Variants in MAD1L1 observed in about 807,000 individuals in gnomAD.
MAD1L1 encodes mitotic arrest deficient 1 like 1, also known as mitotic spindle assembly checkpoint protein MAD1.
Under a neutral mutation model 96.9 loss-of-function variants are expected in MAD1L1, and 95 were observed. The ratio of observed to expected loss-of-function variants is 0.98; its 90% CI spans 0.83 to 1.16. The LOEUF is 1.16. Ranked by LOEUF, MAD1L1 falls within the 50% of genes most tolerant of loss-of-function variation. The pLI is 0.00. For synonymous variants in MAD1L1, 473 were observed against 396.6 expected (o/e 1.19, Z -2.29); for missense variants, 1,007 against 954.4 (o/e 1.06, Z -0.73).
intron 12 of MAD1L1, among the ~76,000 whole-genome samples, chr7:2,015,223 G>A (rs1226812477): frequency 2.6e-5 from 4 of 152,174 alleles, no homozygotes; most frequent in South Asian, 2.1e-4. Context: ...CCCATCGCTC[G>A]TCCAACCGCC....
In MAD1L1 at chr7:2,213,202, C is replaced by A. The variant is rs1374416806; in HGVS notation, c.986+10G>T. The A allele has an allele frequency of 6.2e-7, 1 of 1,614,008 alleles. No individual in the cohort carries two copies. The highest frequency in any genetic ancestry group is 1.3e-5 in the African/African-American group (1 of 74,934). On this transcript the variant is annotated intron_variant, in intron 10 of 18. Transcript: ENST00000265854. Reference sequence around the variant, plus strand: ...AAGGCGGGACCCCGGAGACACCTGCCCTTCCCTACCTGATGCTCAGGCCCA... The same window carrying A: ...AAGGCGGGACCCCGGAGACACCTGCACTTCCCTACCTGATGCTCAGGCCCA...
chr7:1,929,660 G>A (rs1789315648), intron 17 of MAD1L1, among the ~76,000 whole-genome samples: 2 of 151,288 alleles, frequency 1.3e-5, no homozygotes, highest in African/African-American at 2.4e-5. Context: ...CCTTGGGGAA[G>A]CCGTGGCAAA....
At chr7:2,012,600 AG>A (rs558277393) in intron 13 of MAD1L1, among the ~76,000 whole-genome samples, 17 of 152,158 alleles carry the variant, frequency 1.1e-4, no homozygotes, top group Non-Finnish European at 2.1e-4. Context: ...GGGAGGAAGG[AG>A]GATGGACAGA....
intron 17 of MAD1L1, among the ~76,000 whole-genome samples, chr7:1,932,023 G>A (rs1394790548): frequency 1.3e-5 from 2 of 152,242 alleles, no homozygotes; most frequent in African/African-American, 2.4e-5. Context: ...GGGGACCAAC[G>A]TCCATGGCAG....
intron 10 of MAD1L1, among the ~76,000 whole-genome samples, chr7:2,190,053 CTG>C (rs1283301386): frequency 6.6e-6 from 1 of 152,126 alleles, no homozygotes; most frequent in East Asian, 1.9e-4. Context: ...AGAAAACAAA[CTG>C]AAAGCTAAAT....
chr7:2,017,288 C>G (rs931356131), intron 12 of MAD1L1, among the ~76,000 whole-genome samples: 1 of 152,220 alleles, frequency 6.6e-6, no homozygotes, highest in African/African-American at 2.4e-5. Context: ...CTGACGGGGG[C>G]GTCCCAGACT....
At chr7:2,147,047 C>T (rs1789345376) in intron 11 of MAD1L1, among the ~76,000 whole-genome samples, 1 of 152,198 alleles carries the variant, frequency 6.6e-6, no homozygotes, top group Non-Finnish European at 1.5e-5. Flanking sequence ...CACCAGGCCC[C>T]AGAAAGCCTT....
rs774766985 is a variant in MAD1L1 at position 2,225,494 on chromosome 7, C to G, written c.207G>C (p.Arg69=). 3 of 1,614,062 alleles carry G rather than the reference C, an allele frequency of 1.9e-6. No individual in the cohort carries two copies. The East Asian group carries it at 6.7e-5, about 36-fold the overall frequency. Residue 69 remains arginine (R), a synonymous_variant, in exon 4 of 19, where the codon CGG becomes CGC. Coordinates refer to ENST00000265854, the MANE Select transcript of MAD1L1 (RefSeq NM_001013836.2). ...RSKSHLIQVE[R]EKMQMELSHK... The stretch of plus-strand genomic sequence containing the variant: ...GACTCAGCTCCATCTGCATTTTCTC[C>G]CGCTCCACCTGGATGAGGTGGGACT...
At chr7:2,001,413 A>G (rs1781785661) in intron 14 of MAD1L1, among the ~76,000 whole-genome samples, 1 of 152,264 alleles carries the variant, frequency 6.6e-6, no homozygotes, top group Non-Finnish European at 1.5e-5. Flanking sequence ...TTGTTCCCTA[A>G]AACAGTGGGA....
chr7:1,933,785 G>A (rs890495842), intron 17 of MAD1L1, among the ~76,000 whole-genome samples: 1 of 152,196 alleles, frequency 6.6e-6, no homozygotes, highest in South Asian at 2.1e-4. Context: ...ATGGACAGAT[G>A]GTTCCGGGGA....
chr7:1,939,194 T>TCACACACA (rs67150262), intron 16 of MAD1L1, among the ~76,000 whole-genome samples: 10 of 125,520 alleles, frequency 8.0e-5, no homozygotes, highest in South Asian at 2.7e-4. Context: ...CCAGAGGCGC[T>TCACACACA]CACACACACA....
chr7:2,139,025 G>C (rs769496809), intron 11 of MAD1L1, among the ~76,000 whole-genome samples: 12 of 152,172 alleles, frequency 7.9e-5, no homozygotes, highest in Non-Finnish European at 1.5e-4. Context: ...CAAGGTCCCA[G>C]CAGGACAAGC....
chr7:2,144,522 G>A (rs890529979), intron 11 of MAD1L1, among the ~76,000 whole-genome samples: 1 of 152,106 alleles, frequency 6.6e-6, no homozygotes, highest in Non-Finnish European at 1.5e-5. Context: ...CTCAGAGCAC[G>A]CTGGCCTATT....
At chr7:2,041,062 C>T (rs111436192) in intron 12 of MAD1L1, among the ~76,000 whole-genome samples, 9 of 152,130 alleles carry the variant, frequency 5.9e-5, no homozygotes, top group African/African-American at 9.7e-5. Context: ...ACTGAGACAC[C>T]GCCCACCACA....
Position 2,074,540 on chromosome 7 carries a change from C to T in MAD1L1, c.1074-5202G>A, listed in dbSNP as rs541902504. On this transcript the variant is annotated intron_variant, in intron 11 of 18. Coordinates refer to ENST00000265854, the MANE Select transcript of MAD1L1 (RefSeq NM_001013836.2). ...AGGGCAGCAGCCCATGGAGCTGGCA[C>T]CTCTAGGCGCTACGGAATCTGCAGG... is the stretch of plus-strand genomic sequence containing the variant. 4.6e-5 allele frequency among the ~76,000 whole-genome samples: 7 copies of T among 152,350 alleles called. No individual in the cohort carries two copies. In the South Asian group the frequency reaches 1.4e-3, roughly 32 times the overall value.
At chr7:1,979,664 G>A (rs902492714) in intron 15 of MAD1L1, among the ~76,000 whole-genome samples, 1 of 152,236 alleles carries the variant, frequency 6.6e-6, no homozygotes, top group Non-Finnish European at 1.5e-5. Context: ...CCGTGTGCAA[G>A]CAGGAGCTGG....
Position 2,088,589 on chromosome 7 carries a change from C to CA in MAD1L1, c.1074-19252dup, listed in dbSNP as rs1786049847. Reference sequence around the variant, plus strand: ...CCGGGGAGATCAGGACGGTGTGGCACAGCCTGGGGCACTCCCAGCACTCAG... The same window carrying CA: ...CCGGGGAGATCAGGACGGTGTGGCACAAGCCTGGGGCACTCCCAGCACTCAG... On this transcript the variant is annotated intron_variant, in intron 11 of 18. Coordinates refer to ENST00000265854, the MANE Select transcript of MAD1L1 (RefSeq NM_001013836.2). The surrounding 1 kb of genome is among the most constrained non-coding windows in gnomAD (Gnocchi z 4.4). Among the ~76,000 whole-genome samples, 1 of 152,218 alleles carries CA rather than the reference C, an allele frequency of 6.6e-6. No homozygotes were observed. Among genetic ancestry groups the CA allele is most frequent in the Non-Finnish European group, 1.5e-5 (1 of 68,038 alleles).
chr7:1,893,096 G>A (rs1292260379), intron 18 of MAD1L1, among the ~76,000 whole-genome samples: 1 of 152,180 alleles, frequency 6.6e-6, no homozygotes, highest in Non-Finnish European at 1.5e-5. Context: ...AAGCTCTAGG[G>A]ACTCTGGAAT....
Position 2,114,758 on chromosome 7 carries a change from G to T in MAD1L1, c.1073+34394C>A, listed in dbSNP as rs1010072770. Among the ~76,000 whole-genome samples, 23 of 152,334 alleles carry T rather than the reference G, an allele frequency of 1.5e-4. No homozygotes were observed. Among genetic ancestry groups the T allele is most frequent in the African/African-American group, 5.3e-4 (22 of 41,566 alleles). On this transcript the variant is annotated intron_variant, in intron 11 of 18. Coordinates refer to ENST00000265854, the MANE Select transcript of MAD1L1 (RefSeq NM_001013836.2). The surrounding 1 kb of genome is among the most constrained non-coding windows in gnomAD (Gnocchi z 4.2). Reference sequence around the variant, plus strand: ...GCCGCTCTCACAGCACGATGGCAGAGTTCAGCGTCTTCGACAGAGACCACC... The same window carrying T: ...GCCGCTCTCACAGCACGATGGCAGATTTCAGCGTCTTCGACAGAGACCACC...
Sources: allele counts gnomAD v4.1 joint callset (sites outside exome capture counted in the v4.1 genomes callset), GRCh38; gene constraint gnomAD v4.1.1; non-coding constraint Gnocchi (gnomAD v3.1); transcripts MANE v1.5; gene names NCBI Gene and HGNC (gene_info 2026-07-23, HGNC 2026-07-21).